Variants in TBCK observed in about 807,000 individuals in gnomAD.
TBCK encodes the protein TBC domain-containing protein kinase-like protein.
TBCK carries 99 observed loss-of-function variants against 113.4 expected under a neutral mutation model. The ratio of observed to expected loss-of-function variants is 0.87; its 90% CI spans 0.74 to 1.03. The LOEUF (loss-of-function observed/expected upper bound fraction) is 1.03. Ranked by LOEUF, TBCK falls within the 50% of genes least tolerant of loss-of-function variation. The pLI, the probability that TBCK is intolerant of heterozygous loss-of-function variation, is 0.00. For missense variants in TBCK, 1,045 were observed against 1,061.3 expected (o/e 0.98, Z 0.21); for synonymous variants, 369 against 370.8 (o/e 1.00, Z 0.05).
intron 23 of TBCK, among the ~76,000 whole-genome samples, chr4:106,130,997 TC>T (rs554335348): frequency 2.6e-5 from 4 of 151,864 alleles, no homozygotes; most frequent in African/African-American, 9.7e-5. Flanking sequence ...ACTAGCTGGG[TC>T]CCCCCCAAAT....
intron 24 of TBCK, among the ~76,000 whole-genome samples, chr4:106,115,438 C>A (rs574255747): frequency 9.9e-5 from 15 of 152,116 alleles, no homozygotes; most frequent in Non-Finnish European, 1.8e-4. Context: ...AACCTGCTAA[C>A]CCTCATTTAT....
intron 19 of TBCK, among the ~76,000 whole-genome samples, chr4:106,223,302 G>A (rs1757907086): frequency 6.6e-6 from 1 of 152,258 alleles, no homozygotes; most frequent in South Asian, 2.1e-4. Flanking sequence ...TGGTGGGAAA[G>A]AAGAGTTTTA....
rs1331609816 is a variant in TBCK, at chr4:106,044,244, G to A, written c.*2326C>T. ...CTCAGTAAGGCAGAGTTAAGACTCAGAATGATCATCAATGGTGCATTCTGA... is the reference window on the plus strand; with the variant it reads ...CTCAGTAAGGCAGAGTTAAGACTCAAAATGATCATCAATGGTGCATTCTGA... On this transcript the variant is annotated 3_prime_UTR_variant, in exon 26 of 26. Coordinates refer to ENST00000394708, the MANE Select transcript of TBCK (RefSeq NM_001163435.3). 1 of 152,114 alleles carries A rather than the reference G, an allele frequency of 6.6e-6. No homozygotes were observed. The highest frequency in any genetic ancestry group is 2.4e-5 in the African/African-American group (1 of 41,424). 9.4% of individuals were successfully genotyped at this position (152,114 alleles called of 1,614,324 possible).
At chr4:106,186,512 G>A (rs1325553068) in intron 22 of TBCK, among the ~76,000 whole-genome samples, 1 of 152,036 alleles carries the variant, frequency 6.6e-6, no homozygotes. Context: ...TCATATGCTT[G>A]TTGGCCATAC....
In TBCK at chr4:106,056,188, T is replaced by C. The variant is rs371400730; in HGVS notation, c.2572-9508A>G. On this transcript the variant is annotated intron_variant, in intron 25 of 25. Coordinates refer to ENST00000394708, the MANE Select transcript of TBCK (RefSeq NM_001163435.3). ...ATTCTTTTCAAACCTACGTTATTCT[T>C]CTCTTCTCTATCTCTGGTAACAGTA... is the stretch of plus-strand genomic sequence containing the variant. Among the ~76,000 whole-genome samples, 3 of 151,510 alleles carry C rather than the reference T, an allele frequency of 2.0e-5. No homozygotes were observed. The East Asian group carries it at 5.8e-4, about 29-fold the overall frequency.
intron 22 of TBCK, among the ~76,000 whole-genome samples, chr4:106,187,927 A>G (rs975088991): frequency 1.3e-5 from 2 of 152,196 alleles, no homozygotes; most frequent in South Asian, 2.1e-4. Flanking sequence ...TAAAGTTTTC[A>G]TCAAATCTAG....
intron 12 of TBCK, chr4:106,237,475 G>A (rs1759600907): frequency 2.2e-6 from 1 of 455,686 alleles, no homozygotes; most frequent in African/African-American, 2.0e-5. Context: ...GGTGATTAAA[G>A]TTAATGCCAT....
chr4:106,066,630 A>T (rs187648321), intron 25 of TBCK, among the ~76,000 whole-genome samples: 3 of 151,908 alleles, frequency 2.0e-5, no homozygotes, highest in Non-Finnish European at 1.5e-5. Flanking sequence ...GTTATTTCCA[A>T]TTTTTTTCAT....
intron 23 of TBCK, among the ~76,000 whole-genome samples, chr4:106,122,491 T>C (rs1744550443): frequency 1.3e-5 from 2 of 152,052 alleles, no homozygotes; most frequent in East Asian, 1.9e-4. Flanking sequence ...TTCCAATCAA[T>C]AGAAAAAGAG....
At chr4:106,099,998 A>G (rs1182781743) in intron 24 of TBCK, among the ~76,000 whole-genome samples, 1 of 152,138 alleles carries the variant, frequency 6.6e-6, no homozygotes, top group East Asian at 1.9e-4. Context: ...TAAATCATGC[A>G]CTGTTACCAA....
chr4:106,172,849 ATTC>A lies in TBCK; in HGVS notation c.2060-1582_2060-1580del, dbSNP rs376165864. On this transcript the variant is annotated intron_variant, in intron 22 of 25. Coordinates refer to ENST00000394708, the MANE Select transcript of TBCK (RefSeq NM_001163435.3). ...GATTTTATTAAAGACAGGTATCGTA[ATTC>A]TTCTTCCCACCTTCTATTTCTGCTA... Among the ~76,000 whole-genome samples, 1,076 of 152,256 alleles carry A rather than the reference ATTC, an allele frequency of 7.1e-3. 13 individuals are homozygous for A. Among genetic ancestry groups the A allele is most frequent in the African/African-American group, 0.025 (1,032 of 41,570 alleles).
chr4:106,098,139 T>C (rs935378395), intron 24 of TBCK, among the ~76,000 whole-genome samples: 57 of 152,090 alleles, frequency 3.7e-4, no homozygotes, highest in Non-Finnish European at 6.6e-4. Flanking sequence ...TGACTGTCAC[T>C]TTACTGCTTT....
intron 23 of TBCK, among the ~76,000 whole-genome samples, chr4:106,156,383 C>T (rs1156404677): frequency 1.3e-5 from 2 of 152,200 alleles, no homozygotes; most frequent in Non-Finnish European, 2.9e-5. Flanking sequence ...ATCATGGCTA[C>T]TGCCTGTGTT....
chr4:106,271,766 A>G (rs1164167635), intron 3 of TBCK, among the ~76,000 whole-genome samples: 1 of 151,124 alleles, frequency 6.6e-6, no homozygotes, highest in Non-Finnish European at 1.5e-5. Flanking sequence ...AAAAAAAAAA[A>G]CAAAACAAAA....
chr4:106,234,735 G>A (rs1163343288), intron 15 of TBCK, among the ~76,000 whole-genome samples: 2 of 152,000 alleles, frequency 1.3e-5, no homozygotes, highest in East Asian at 1.9e-4. Context: ...TGATGTCATC[G>A]GAGTTCTCTG....
intron 20 of TBCK, among the ~76,000 whole-genome samples, chr4:106,203,072 T>C (rs1382862083): frequency 6.6e-6 from 1 of 151,948 alleles, no homozygotes; most frequent in Non-Finnish European, 1.5e-5. Flanking sequence ...AAAAGACAGC[T>C]GTTCTTCAAC....
intron 3 of TBCK, among the ~76,000 whole-genome samples, chr4:106,286,595 G>A (rs1464288518): frequency 5.9e-5 from 9 of 152,114 alleles, no homozygotes; most frequent in African/African-American, 1.9e-4. Context: ...GGGAGGCTAA[G>A]GCAAGAAGAT....
intron 23 of TBCK, among the ~76,000 whole-genome samples, chr4:106,158,269 G>C (rs1432340564): frequency 6.6e-6 from 1 of 152,112 alleles, no homozygotes; most frequent in Admixed American, 6.5e-5. Flanking sequence ...TGTACAACAG[G>C]CCGGGCGTGG....
Position 106,046,695 on chromosome 4 carries a change from A to G in TBCK, c.2572-15T>C, listed in dbSNP as rs1270634946. ...TGAGCTGCAAACTGGAAAAAAAAAG[A>G]GGCAAAATTTTTAGAGGATATACAG... On this transcript the variant is annotated splice_polypyrimidine_tract_variant and intron_variant, in intron 25 of 25. Coordinates refer to ENST00000394708, the MANE Select transcript of TBCK (RefSeq NM_001163435.3). 2.0e-6 allele frequency: 3 copies of G among 1,480,764 alleles called. No homozygotes were observed. The highest frequency in any genetic ancestry group is 2.8e-5 in the African/African-American group (2 of 71,968). The allele number at this position is 1,480,764 out of a possible 1,614,324, so 91.7% of individuals were successfully genotyped here. A position where few individuals can be genotyped will look rare whatever the true frequency, so the allele number is the denominator to read the frequency against.
Sources: gnomAD v4.1 joint callset for allele counts (sites outside exome capture counted in the v4.1 genomes callset) on GRCh38, gnomAD v4.1.1 for gene constraint, MANE v1.5 for transcripts, NCBI Gene and HGNC (gene_info 2026-07-23, HGNC 2026-07-21) for gene names.